Variants in SLC38A12 observed in about 807,000 individuals in gnomAD.
SLC38A12 encodes the protein solute carrier family 38 member 12, also known as putative sodium-coupled neutral amino acid transporter 12.
the SLC38A12 span, chr17:74,836,595 C>T: frequency 6.2e-7 from 1 of 1,612,596 alleles, no homozygotes; most frequent in Non-Finnish European, 8.5e-7. This position sits in a 1 kb window ranked among gnomAD's most constrained non-coding sequence, Gnocchi z 4.2. Flanking sequence ...CCCTTTCCGC[C>T]ACACCTTCTG....
chr17:74,795,127 G>A, the SLC38A12 span: 1,304,277 of 1,611,968 alleles, frequency 0.81, 538,918 homozygotes, highest in East Asian at 0.99. Context: ...TACCCTCCTG[G>A]CCCCCAGGTT....
the SLC38A12 span, among the ~76,000 whole-genome samples, chr17:74,789,231 A>G: frequency 6.6e-6 from 1 of 152,180 alleles, no homozygotes; most frequent in Non-Finnish European, 1.5e-5. Context: ...GATACCCTGC[A>G]GAAGGAAAGA....
At chr17:74,835,633 T>C in the SLC38A12 span, among the ~76,000 whole-genome samples, 2 of 151,770 alleles carry the variant, frequency 1.3e-5, no homozygotes, top group East Asian at 3.9e-4. Context: ...GAAGACAGAG[T>C]TGCTACCTCT....
chr17:74,790,843 G>T, the SLC38A12 span: 1 of 857,718 alleles, frequency 1.2e-6, no homozygotes. Flanking sequence ...GTTTTCTCGA[G>T]TTTGGACACT....
chr17:74,807,207 C>T, the SLC38A12 span, among the ~76,000 whole-genome samples: 1 of 147,550 alleles, frequency 6.8e-6, no homozygotes, highest in Admixed American at 7.0e-5. Flanking sequence ...GAGGAGCGTT[C>T]GTCTAGTCCA....
chr17:74,838,656 T>C, the SLC38A12 span: 4 of 1,397,064 alleles, frequency 2.9e-6, no homozygotes, highest in Admixed American at 3.0e-5. Flanking sequence ...GTCTAGCTGC[T>C]TTGCTCCTCA....
chr17:74,776,961 C>T, the SLC38A12 span, among the ~76,000 whole-genome samples: 1 of 152,162 alleles, frequency 6.6e-6, no homozygotes, highest in African/African-American at 2.4e-5. Flanking sequence ...AAAGGGGGCT[C>T]TTGTGGTGGG....
At chr17:74,838,188 T>C in the SLC38A12 span, 1 of 985,626 alleles carries the variant, frequency 1.0e-6, no homozygotes, top group Non-Finnish European at 1.2e-6. Flanking sequence ...CAGCCCGCTT[T>C]CTCTGTGCCG....
the SLC38A12 span, chr17:74,795,089 T>C: frequency 6.2e-7 from 1 of 1,614,158 alleles, no homozygotes; most frequent in Non-Finnish European, 8.5e-7. Flanking sequence ...TGCCGTGCCC[T>C]TCTCCCTCAT....
chr17:74,800,898 C>T, the SLC38A12 span, among the ~76,000 whole-genome samples: 2 of 152,192 alleles, frequency 1.3e-5, no homozygotes, highest in Admixed American at 6.5e-5. Context: ...GTGGGTTGGC[C>T]CGTCTAGAAA....
the SLC38A12 span, among the ~76,000 whole-genome samples, chr17:74,815,294 ACAGGG>A: frequency 3.9e-5 from 6 of 152,212 alleles, no homozygotes; most frequent in African/African-American, 7.2e-5. Flanking sequence ...TTTTGATAGC[ACAGGG>A]CAGGGCGGAT....
At chr17:74,784,509 T>C in the SLC38A12 span, among the ~76,000 whole-genome samples, 8 of 151,928 alleles carry the variant, frequency 5.3e-5, no homozygotes, top group East Asian at 3.9e-4. Flanking sequence ...AGGTTGATAC[T>C]AAGAGAAATA....
the SLC38A12 span, chr17:74,835,965 G>A: frequency 2.3e-5 from 37 of 1,611,356 alleles, no homozygotes; most frequent in Admixed American, 5.0e-5. Flanking sequence ...GATCCGCATC[G>A]GGCACGGACA....
the SLC38A12 span, among the ~76,000 whole-genome samples, chr17:74,817,132 G>A: frequency 6.6e-6 from 1 of 151,676 alleles, no homozygotes; most frequent in Non-Finnish European, 1.5e-5. Flanking sequence ...CTGAGTTCTG[G>A]CTCTAACTAA....
At chr17:74,825,227 C>T in the SLC38A12 span, among the ~76,000 whole-genome samples, 3 of 152,248 alleles carry the variant, frequency 2.0e-5, no homozygotes, top group Non-Finnish European at 2.9e-5. Flanking sequence ...CAGGTCTCTG[C>T]GGCAGCCCTG....
the SLC38A12 span, among the ~76,000 whole-genome samples, chr17:74,829,124 G>A: frequency 5.3e-5 from 8 of 152,112 alleles, no homozygotes; most frequent in Non-Finnish European, 7.4e-5. The surrounding 1 kb of genome is among the most constrained non-coding windows in gnomAD (Gnocchi z 4.1). Flanking sequence ...TCCACGCTAA[G>A]TCTTTTTTTT....
At chr17:74,804,191 A>G in the SLC38A12 span, among the ~76,000 whole-genome samples, 1,565 of 152,368 alleles carry the variant, frequency 0.01, 29 homozygotes, top group African/African-American at 0.035. Flanking sequence ...GTGTATCATA[A>G]GCAGAGCCTG....
At chr17:74,806,617 C>T in the SLC38A12 span, among the ~76,000 whole-genome samples, 3 of 152,138 alleles carry the variant, frequency 2.0e-5, no homozygotes, top group Non-Finnish European at 4.4e-5. Flanking sequence ...TGCCTTTCCT[C>T]ACAGTCCCTA....
At chr17:74,792,175 G>C in the SLC38A12 span, among the ~76,000 whole-genome samples, 1 of 151,730 alleles carries the variant, frequency 6.6e-6, no homozygotes, top group Non-Finnish European at 1.5e-5. Context: ...TAATGGCCAG[G>C]CATGGTGGCT....
Sources: allele counts gnomAD v4.1 joint callset (sites outside exome capture counted in the v4.1 genomes callset), GRCh38; gene constraint gnomAD v4.1.1; non-coding constraint Gnocchi (gnomAD v3.1); transcripts MANE v1.5; gene names NCBI Gene and HGNC (gene_info 2026-07-23, HGNC 2026-07-21).